Variants in PTPRD observed in about 807,000 individuals in gnomAD.
PTPRD encodes protein tyrosine phosphatase receptor type D, also known as receptor-type tyrosine-protein phosphatase delta.
In PTPRD, 34 loss-of-function variants were observed where a neutral mutation model predicts 214.5. The observed-to-expected ratio is 0.16, with a 90% CI of 0.12 to 0.21. The LOEUF (loss-of-function observed/expected upper bound fraction) is 0.21. PTPRD is among the 10% of genes least tolerant of loss of function. The probability of loss-of-function intolerance (pLI) is 1.00; values close to 1 mark genes in which losing one functional copy is unlikely to be tolerated. For synonymous variants in PTPRD, 1,128 were observed against 845.7 expected (o/e 1.33, Z -5.79); for missense variants, 2,545 against 2,398.7 (o/e 1.06, Z -1.27).
chr9:9,940,101 G>A lies in PTPRD; in HGVS notation c.-471-1491C>T, dbSNP rs578135662. Among the ~76,000 whole-genome samples the A allele has an allele frequency of 2.6e-5, 4 of 152,268 alleles. No individual in the cohort carries two copies. In the East Asian group the frequency reaches 7.7e-4, roughly 29 times the overall value. ...TGGGCTGTATGTGGGGAAACCACAA[G>A]GAAGGTATGATGGAGTTGATACCAT... On this transcript the variant is annotated intron_variant, in intron 4 of 45. Coordinates refer to ENST00000381196, the MANE Select transcript of PTPRD (RefSeq NM_002839.4).
At chr9:8,558,810 T>TAC (rs1813025946) in intron 14 of PTPRD, among the ~76,000 whole-genome samples, 2 of 152,196 alleles carry the variant, frequency 1.3e-5, no homozygotes, top group South Asian at 4.1e-4. Flanking sequence ...TGACTTGACT[T>TAC]ACATGCAATG....
chr9:8,947,375 A>C (rs1162951073), intron 11 of PTPRD, among the ~76,000 whole-genome samples: 1 of 150,956 alleles, frequency 6.6e-6, no homozygotes, highest in African/African-American at 2.4e-5. Context: ...AGGCAGGAGA[A>C]TCTTCTGAAC....
chr9:10,507,063 A>C (rs2046233756), intron 2 of PTPRD, among the ~76,000 whole-genome samples: 1 of 152,120 alleles, frequency 6.6e-6, no homozygotes, highest in Non-Finnish European at 1.5e-5. Context: ...TCAGTATCCC[A>C]AAATCTCCTT....
intron 5 of PTPRD, among the ~76,000 whole-genome samples, chr9:9,901,135 C>G (rs747890137): frequency 6.6e-6 from 1 of 152,034 alleles, no homozygotes; most frequent in African/African-American, 2.4e-5. Context: ...GTGTATAACA[C>G]GGCGAGACTG....
At chr9:9,396,226 T>A (rs1405598166) in intron 9 of PTPRD, among the ~76,000 whole-genome samples, 1 of 151,958 alleles carries the variant, frequency 6.6e-6, no homozygotes, top group African/African-American at 2.4e-5. Flanking sequence ...AAAATTAATG[T>A]CTTGATTGAA....
At chr9:10,223,888 A>T (rs561302963) in intron 3 of PTPRD, among the ~76,000 whole-genome samples, 11 of 151,744 alleles carry the variant, frequency 7.2e-5, no homozygotes, top group African/African-American at 2.7e-4. Flanking sequence ...TAATCTATAC[A>T]CACTATTCTT....
intron 2 of PTPRD, among the ~76,000 whole-genome samples, chr9:10,406,531 CAAGCATCACCTGT>C (rs1157325160): frequency 6.6e-6 from 1 of 151,490 alleles, no homozygotes; most frequent in Non-Finnish European, 1.5e-5. Context: ...CCCCACAGAG[CAAGCATCACCTGT>C]TCTACTGCAG....
At chr9:8,655,459 T>C (rs2096890534) in intron 12 of PTPRD, among the ~76,000 whole-genome samples, 1 of 152,192 alleles carries the variant, frequency 6.6e-6, no homozygotes. Flanking sequence ...CACCCCTGAA[T>C]AATAAAAAGC....
At chr9:10,298,381 T>C (rs1181552962) in intron 3 of PTPRD, among the ~76,000 whole-genome samples, 2 of 142,994 alleles carry the variant, frequency 1.4e-5, no homozygotes, top group Admixed American at 1.5e-4. Context: ...TTGGTTCCAA[T>C]TATAGTACGA....
At chr9:8,940,494 T>G (rs1295896533) in intron 11 of PTPRD, among the ~76,000 whole-genome samples, 1 of 142,294 alleles carries the variant, frequency 7.0e-6, no homozygotes, top group Non-Finnish European at 1.5e-5. Context: ...GGTTTCACCA[T>G]GTTGGCCAGG....
chr9:9,625,412 A>G (rs1381631530), intron 7 of PTPRD, among the ~76,000 whole-genome samples: 1 of 152,148 alleles, frequency 6.6e-6, no homozygotes, highest in Non-Finnish European at 1.5e-5. Context: ...ACGTCTTCGC[A>G]CTGTATTAAT....
chr9:10,036,791 C>A (rs184591917), intron 3 of PTPRD, among the ~76,000 whole-genome samples: 1 of 152,004 alleles, frequency 6.6e-6, no homozygotes, highest in Non-Finnish European at 1.5e-5. Context: ...ATCATGTTGG[C>A]CAGGATGGTC....
At chr9:10,182,140 G>A (rs1364609068) in intron 3 of PTPRD, among the ~76,000 whole-genome samples, 1 of 148,582 alleles carries the variant, frequency 6.7e-6, no homozygotes, top group Non-Finnish European at 1.5e-5. Context: ...TGTGCCTGTA[G>A]TCCCAGCTAT....
At chr9:10,028,833 C>A (rs189972588) in intron 4 of PTPRD, among the ~76,000 whole-genome samples, 1 of 152,208 alleles carries the variant, frequency 6.6e-6, no homozygotes, top group African/African-American at 2.4e-5. Context: ...CGGCTGCAGA[C>A]ATTTGCATAA....
intron 7 of PTPRD, among the ~76,000 whole-genome samples, chr9:9,614,098 A>G (rs2094705641): frequency 6.6e-6 from 1 of 151,822 alleles, no homozygotes; most frequent in Non-Finnish European, 1.5e-5. Flanking sequence ...TGCTAAAAAC[A>G]TGTATATACG....
At position 9,136,185 on chromosome 9, in the gene PTPRD, G is replaced by A. The variant is rs74816339; in HGVS notation, c.-143+47119C>T. ...TAATTCACTGTGGTAAGGAGTTTAT[G>A]TTCACATTAAGGAGAAAAAAATGGC... On this transcript the variant is annotated intron_variant, in intron 10 of 45. Coordinates refer to ENST00000381196, the MANE Select transcript of PTPRD (RefSeq NM_002839.4). Among the ~76,000 whole-genome samples the A allele has an allele frequency of 4.3e-3, 656 of 152,164 alleles. 6 individuals carry two copies. Among genetic ancestry groups the A allele is most frequent in the African/African-American group, 0.015 (624 of 41,540 alleles).
intron 5 of PTPRD, among the ~76,000 whole-genome samples, chr9:9,882,766 G>C (rs115460330): frequency 0.015 from 2,275 of 151,342 alleles, 51 homozygotes; most frequent in African/African-American, 0.053. Context: ...GATGTGATTT[G>C]GATATTTGTC....
intron 4 of PTPRD, among the ~76,000 whole-genome samples, chr9:9,947,801 C>T (rs12235769): frequency 0.55 from 80,664 of 146,304 alleles, 24,828 homozygotes; most frequent in East Asian, 0.91. Context: ...TAAAAAAAAT[C>T]CATAAAGAGA....
At chr9:9,300,583 G>A (rs1954891919) in intron 9 of PTPRD, among the ~76,000 whole-genome samples, 1 of 151,714 alleles carries the variant, frequency 6.6e-6, no homozygotes, top group Non-Finnish European at 1.5e-5. Flanking sequence ...AAGTCATGAA[G>A]GTGGAGCCCT....
Sources: gnomAD v4.1 joint callset for allele counts (sites outside exome capture counted in the v4.1 genomes callset) on GRCh38, gnomAD v4.1.1 for gene constraint, MANE v1.5 for transcripts, NCBI Gene and HGNC (gene_info 2026-07-23, HGNC 2026-07-21) for gene names.